DLG2: variants seen among roughly 807,000 people sequenced by gnomAD.
The protein encoded by DLG2 is discs large MAGUK scaffold protein 2, also known as disks large homolog 2.
Under a neutral mutation model 132.5 loss-of-function variants are expected in DLG2, and 45 were observed. The ratio of observed to expected loss-of-function variants is 0.34; its 90% CI spans 0.27 to 0.44. The LOEUF is 0.44. Among genes scored for constraint, DLG2 ranks in the 20% least tolerant of loss-of-function variants. The pLI, the probability that DLG2 is intolerant of heterozygous loss-of-function variation, is 1.00. For missense variants in DLG2, 1,045 were observed against 1,196.9 expected (o/e 0.87, Z 1.87); for synonymous variants, 424 against 419.6 (o/e 1.01, Z -0.13).
intron 19 of DLG2, among the ~76,000 whole-genome samples, chr11:83,542,474 C>T (rs545064373): frequency 3.3e-5 from 5 of 152,224 alleles, no homozygotes; most frequent in South Asian, 4.2e-4. Context: ...AAAATCTATG[C>T]GTATGTGTGT....
intron 6 of DLG2, among the ~76,000 whole-genome samples, chr11:84,779,305 G>A (rs928036918): frequency 3.3e-5 from 5 of 151,672 alleles, no homozygotes; most frequent in African/African-American, 1.2e-4. Context: ...TTTATTCTCA[G>A]GTACTCTTTT....
intron 3 of DLG2, among the ~76,000 whole-genome samples, chr11:85,427,568 G>A (rs1447780097): frequency 1.3e-5 from 2 of 152,150 alleles, no homozygotes; most frequent in African/African-American, 4.8e-5. Flanking sequence ...TTACAGACAA[G>A]CAAATGCTGA....
At chr11:84,827,309 G>A (rs2078448671) in intron 6 of DLG2, among the ~76,000 whole-genome samples, 1 of 151,496 alleles carries the variant, frequency 6.6e-6, no homozygotes, top group South Asian at 2.1e-4. Context: ...ACAGAGACAG[G>A]AATGGGAATT....
At chr11:84,985,165 C>A (rs2056312991) in intron 6 of DLG2, among the ~76,000 whole-genome samples, 1 of 152,168 alleles carries the variant, frequency 6.6e-6, no homozygotes, top group South Asian at 2.1e-4. Context: ...CCAATAACTG[C>A]AGAATATCCA....
chr11:83,519,284 C>T (rs865781246), intron 21 of DLG2, among the ~76,000 whole-genome samples: 3 of 152,102 alleles, frequency 2.0e-5, no homozygotes, highest in African/African-American at 4.8e-5. Context: ...GCCACAACCA[C>T]GATTACATTG....
chr11:85,332,200 G>A (rs1322287323), intron 3 of DLG2, among the ~76,000 whole-genome samples: 2 of 152,062 alleles, frequency 1.3e-5, no homozygotes, highest in African/African-American at 4.8e-5. Flanking sequence ...TTTGAAATGA[G>A]TTTCTATCAT....
intron 6 of DLG2, among the ~76,000 whole-genome samples, chr11:85,104,815 A>G (rs1185775708): frequency 6.8e-6 from 1 of 146,768 alleles, no homozygotes; most frequent in East Asian, 2.2e-4. Flanking sequence ...ACTCATAGGA[A>G]GAATGTCATA....
At chr11:84,766,414 C>G (rs2000818) in intron 6 of DLG2, among the ~76,000 whole-genome samples, 7 of 151,650 alleles carry the variant, frequency 4.6e-5, no homozygotes, top group African/African-American at 1.7e-4. Context: ...CTTATCATCG[C>G]TCAGGGATAA....
intron 10 of DLG2, among the ~76,000 whole-genome samples, chr11:84,067,573 C>T (rs1489899974): frequency 1.3e-5 from 2 of 151,980 alleles, no homozygotes; most frequent in Non-Finnish European, 2.9e-5. Context: ...CACACACACA[C>T]ACACACACAC....
At chr11:84,050,172 A>T (rs1221876571) in intron 11 of DLG2, among the ~76,000 whole-genome samples, 4 of 126,246 alleles carry the variant, frequency 3.2e-5, no homozygotes, top group Admixed American at 1.6e-4. Context: ...TTTTTTTTTT[A>T]CCAGGGGAGA....
chr11:85,089,337 A>G (rs2068408727), intron 6 of DLG2, among the ~76,000 whole-genome samples: 2 of 152,034 alleles, frequency 1.3e-5, no homozygotes, highest in South Asian at 2.1e-4. Context: ...TTTTATGTCA[A>G]TGTGCATCCA....
intron 6 of DLG2, among the ~76,000 whole-genome samples, chr11:84,670,803 T>C (rs1244975676): frequency 2.0e-5 from 3 of 152,134 alleles, no homozygotes; most frequent in African/African-American, 2.4e-5. Context: ...CCACCCCTAA[T>C]ATTGCTGTGG....
chr11:84,006,483 G>A (rs1297204487), intron 11 of DLG2, among the ~76,000 whole-genome samples: 3 of 147,538 alleles, frequency 2.0e-5, no homozygotes, highest in Admixed American at 6.6e-5. Flanking sequence ...AAGTATTTAC[G>A]ATAAATACTT....
chr11:85,613,366 C>G (rs1276083559), intron 2 of DLG2, among the ~76,000 whole-genome samples: 1 of 152,222 alleles, frequency 6.6e-6, no homozygotes, highest in African/African-American at 2.4e-5. Context: ...GACACCACAA[C>G]TGCAGGGCCC....
At chr11:84,050,701 G>A (rs1170220858) in intron 11 of DLG2, among the ~76,000 whole-genome samples, 1 of 151,974 alleles carries the variant, frequency 6.6e-6, no homozygotes, top group African/African-American at 2.4e-5. Flanking sequence ...TGTGTAAGGT[G>A]TAAGGAAGGG....
At chr11:85,457,414 C>A (rs543975929) in intron 3 of DLG2, among the ~76,000 whole-genome samples, 3 of 152,220 alleles carry the variant, frequency 2.0e-5, no homozygotes, top group Non-Finnish European at 4.4e-5. Context: ...TGCCTTTTAA[C>A]TGGGGGAATT....
chr11:84,535,574 T>G (rs1199944003), intron 6 of DLG2, among the ~76,000 whole-genome samples: 1 of 152,124 alleles, frequency 6.6e-6, no homozygotes, highest in Non-Finnish European at 1.5e-5. Context: ...AGGTTCAGGG[T>G]TAGGAATGCT....
intron 19 of DLG2, among the ~76,000 whole-genome samples, chr11:83,594,092 C>A (rs1476638408): frequency 6.6e-6 from 1 of 152,204 alleles, no homozygotes; most frequent in Non-Finnish European, 1.5e-5. Context: ...TTATGGCTTG[C>A]CAAATACTGA....
At chr11:85,321,456 C>A (rs1936488857) in intron 3 of DLG2, among the ~76,000 whole-genome samples, 2 of 151,754 alleles carry the variant, frequency 1.3e-5, no homozygotes. Flanking sequence ...ATTTAAGTCA[C>A]AAAACTGAAT....
Sources: gnomAD v4.1 joint callset for allele counts (sites outside exome capture counted in the v4.1 genomes callset) on GRCh38, gnomAD v4.1.1 for gene constraint, MANE v1.5 for transcripts, NCBI Gene and HGNC (gene_info 2026-07-23, HGNC 2026-07-21) for gene names.